Variants in MYH10 observed in about 807,000 individuals in gnomAD.
MYH10 encodes myosin heavy chain 10, also known as myosin-10.
MYH10 carries 55 observed loss-of-function variants against 257.8 expected under a neutral mutation model. The observed-to-expected ratio is 0.21, with a 90% CI of 0.17 to 0.27. The LOEUF (loss-of-function observed/expected upper bound fraction) is 0.27. Among genes scored for constraint, MYH10 ranks in the 10% least tolerant of loss-of-function variants. The pLI, the probability that MYH10 is intolerant of heterozygous loss-of-function variation, is 1.00. For missense variants in MYH10, 1,631 were observed against 2,500.6 expected (o/e 0.65, Z 7.42); for synonymous variants, 854 against 921.7 (o/e 0.93, Z 1.33).
intron 19 of MYH10, among the ~76,000 whole-genome samples, chr17:8,519,557 A>G (rs1046853538): frequency 6.6e-6 from 1 of 151,788 alleles, no homozygotes; most frequent in African/African-American, 2.4e-5. Flanking sequence ...GGCTACATCA[A>G]TCAACTTTGT....
chr17:8,504,101 G>A lies in MYH10; in HGVS notation c.3599+593C>T, dbSNP rs560345608. The stretch of plus-strand genomic sequence containing the variant: ...TGCCACACTGCAGCTTTCTACCCAG[G>A]AGCCTTCTCTGGCCATGTTCACCTA... On this transcript the variant is annotated intron_variant, in intron 28 of 42. Coordinates refer to ENST00000360416, the MANE Select transcript of MYH10 (RefSeq NM_001256012.3). The surrounding 1 kb of genome is among the most constrained non-coding windows in gnomAD (Gnocchi z 5.6). 6.6e-6 allele frequency among the ~76,000 whole-genome samples: 1 copy of A among 152,288 alleles called. No homozygotes were observed. The highest frequency in any genetic ancestry group is 2.1e-4 in the South Asian group (1 of 4,824).
chr17:8,528,981 C>T (rs749475648), intron 17 of MYH10, among the ~76,000 whole-genome samples: 11 of 152,118 alleles, frequency 7.2e-5, no homozygotes, highest in Non-Finnish European at 8.8e-5. Context: ...GAGACAGAAC[C>T]GGGAACATTT....
chr17:8,509,854 C>T lies in MYH10; in HGVS notation c.3048G>A (p.Glu1016=). The T allele has an allele frequency of 6.2e-7, 1 of 1,611,180 alleles. No homozygotes were observed. ...TTTGGTCCTCGAGAAGCAGAATCTC[C>T]TCTTCCATCTTCTTGATCTTGGCCT... ...TAEAKIKKME[E]EILLLEDQNS... Residue 1016 remains glutamate (E), a synonymous_variant, in exon 25 of 43, where the codon GAG becomes GAA. Coordinates refer to ENST00000360416, the MANE Select transcript of MYH10 (RefSeq NM_001256012.3).
At chr17:8,627,099 T>C (rs1358554871) in intron 1 of MYH10, among the ~76,000 whole-genome samples, 4 of 152,162 alleles carry the variant, frequency 2.6e-5, no homozygotes, top group Non-Finnish European at 1.5e-5. Flanking sequence ...TTACACAGCA[T>C]GTTCCCAATT....
intron 3 of MYH10, among the ~76,000 whole-genome samples, chr17:8,603,884 T>C (rs1347735667): frequency 6.6e-6 from 1 of 152,214 alleles, no homozygotes; most frequent in Non-Finnish European, 1.5e-5. Flanking sequence ...TATTCTAGTC[T>C]TGAAGCACCT....
chr17:8,522,069 A>G (rs1442556338), intron 17 of MYH10, among the ~76,000 whole-genome samples: 1 of 152,260 alleles, frequency 6.6e-6, no homozygotes, highest in Admixed American at 6.5e-5. Flanking sequence ...TACACCAGCC[A>G]CAAGCAAAAC....
chr17:8,479,992 T>C (rs527250758), intron 40 of MYH10, 118 bp downstream of exon 40: 4 of 926,902 alleles, frequency 4.3e-6, no homozygotes, highest in South Asian at 3.3e-5. Context: ...TGTCCCACTC[T>C]GGTTATATGT....
At chr17:8,580,886 T>A (rs1356993906) in intron 4 of MYH10, among the ~76,000 whole-genome samples, 2 of 151,888 alleles carry the variant, frequency 1.3e-5, no homozygotes, top group Non-Finnish European at 2.9e-5. Flanking sequence ...ATTATAAGGA[T>A]ATAAGGAATG....
chr17:8,628,065 A>AG (rs2085749340), intron 1 of MYH10, among the ~76,000 whole-genome samples: 2 of 152,216 alleles, frequency 1.3e-5, no homozygotes, highest in Non-Finnish European at 2.9e-5. Flanking sequence ...ACTAAATAAA[A>AG]ACCCAATCAA....
chr17:8,613,527 G>T (rs909102812), intron 2 of MYH10, among the ~76,000 whole-genome samples: 11 of 152,100 alleles, frequency 7.2e-5, no homozygotes, highest in African/African-American at 2.4e-4. Context: ...TGTCTAACAG[G>T]TCAAGGATCC....
intron 3 of MYH10, 36 bp from the exon 4 acceptor site, chr17:8,589,144 G>A: frequency 6.2e-7 from 1 of 1,603,330 alleles, no homozygotes; most frequent in Non-Finnish European, 8.5e-7. Flanking sequence ...AAAAAAGAAA[G>A]TGACCATTTG....
At chr17:8,609,553 T>C (rs924652239) in intron 2 of MYH10, among the ~76,000 whole-genome samples, 2 of 152,100 alleles carry the variant, frequency 1.3e-5, no homozygotes, top group East Asian at 3.8e-4. Flanking sequence ...TGTAACAGAA[T>C]ATAGTATAAC....
At chr17:8,522,602 C>T (rs866519216) in intron 17 of MYH10, among the ~76,000 whole-genome samples, 16 of 152,130 alleles carry the variant, frequency 1.1e-4, no homozygotes, top group African/African-American at 2.4e-4. Context: ...CAGCAGAAAG[C>T]GGCACAAACC....
intron 21 of MYH10, 77 bp downstream of exon 21, chr17:8,518,554 A>G (rs2081551296): frequency 2.0e-6 from 3 of 1,471,680 alleles, no homozygotes; most frequent in Non-Finnish European, 2.8e-6. Context: ...ACACTCTTGC[A>G]CCCCAGGTCA....
In MYH10 at chr17:8,520,999, C is replaced by G; in HGVS notation, c.2152G>C (p.Ala718Pro). 6.2e-7 allele frequency: 1 copy of G among 1,611,228 alleles called. No homozygotes were observed. The highest frequency in any genetic ancestry group is 8.5e-7 in the Non-Finnish European group (1 of 1,177,702). The change falls in exon 19 of 43, where the codon GCT (alanine) becomes CCT (proline). Residue 718 changes from alanine to proline, a missense_variant and splice_region_variant. Transcript: ENST00000360416. ...ACTAGGTGTGGATCCAATTTTCCAG[C>G]CTAATCAAGCAAACAATAGTTTCAT... is the stretch of plus-strand genomic sequence containing the variant. ...RCIIPNHEKR[A>P]GKLDPHLVLD...
At chr17:8,485,499 C>A (rs186936697) in intron 36 of MYH10, among the ~76,000 whole-genome samples, 1 of 141,090 alleles carries the variant, frequency 7.1e-6, no homozygotes, top group African/African-American at 2.6e-5. Flanking sequence ...TAAGCTAAGG[C>A]AGGTGTGGAA....
rs376645688 is a variant in MYH10 at position 8,524,191 on chromosome 17, A to G, written c.1958-2906T>C. On this transcript the variant is annotated intron_variant, in intron 17 of 42. Transcript: ENST00000360416. ...CATAGTGGCTCATGCCTGTAATCCC[A>G]GTATTTTAGGAGGCCGAGGCAGGAG... is the stretch of plus-strand genomic sequence containing the variant. Among the ~76,000 whole-genome samples, 46 of 152,232 alleles carry G rather than the reference A, an allele frequency of 3.0e-4. No individual in the cohort carries two copies. In the East Asian group the frequency reaches 8.1e-3, roughly 27 times the overall value.
intron 2 of MYH10, among the ~76,000 whole-genome samples, chr17:8,611,643 C>T (rs951111587): frequency 6.6e-6 from 1 of 152,064 alleles, no homozygotes; most frequent in African/African-American, 2.4e-5. Context: ...AAACAGCAAG[C>T]TAGATACAGC....
chr17:8,623,194 C>T lies in MYH10; in HGVS notation c.53G>A (p.Arg18Lys). 1 of 1,611,082 alleles carries T rather than the reference C, an allele frequency of 6.2e-7. No individual in the cohort carries two copies. Residue 18 changes from arginine to lysine, a missense_variant, in exon 2 of 43, where the codon AGG becomes AAG. Physicochemically the swap from Arg to Lys is conservative, Grantham distance 26 (BLOSUM62 2). Around this residue, in one of 11 missense-constraint regions of MYH10, gnomAD observed 360 missense variants for 581.9 expected, o/e 0.62. Coordinates refer to ENST00000360416, the MANE Select transcript of MYH10 (RefSeq NM_001256012.3). ...AGTGGCAGGGTTGTAGATGACAGCC[C>T]TGTCCACAAAGAGATACCTCTCTGG... Reference protein sequence around the residue: ...EDPERYLFVDRAVIYNPATQA... With the variant: ...EDPERYLFVDKAVIYNPATQA...
Sources: gnomAD v4.1 joint callset for allele counts (sites outside exome capture counted in the v4.1 genomes callset) on GRCh38, gnomAD v4.1.1 for gene constraint, gnomAD v4.1.1 regional missense constraint, Gnocchi (gnomAD v3.1) non-coding constraint, MANE v1.5 for transcripts, NCBI Gene and HGNC (gene_info 2026-07-23, HGNC 2026-07-21) for gene names.